The following TRHDE variants were observed in gnomAD, a reference collection of about 807,000 sequenced individuals.
TRHDE encodes the protein thyrotropin releasing hormone degrading enzyme.
In TRHDE, 72 loss-of-function variants were observed where a neutral mutation model predicts 125.7. That is an observed-to-expected ratio of 0.57 (90% CI 0.47 to 0.70). TRHDE has a LOEUF of 0.70. Among genes scored for constraint, TRHDE ranks in the 30% least tolerant of loss-of-function variants. The pLI is 0.00. For missense variants in TRHDE, 1,110 were observed against 1,327.1 expected, an observed-to-expected ratio of 0.84 and a Z score of 2.54; for synonymous variants, 509 against 509.1, an observed-to-expected ratio of 1.00 and a Z score of 0.00.
At chr12:72,516,303 A>G (rs2135955408) in intron 6 of TRHDE, among the ~76,000 whole-genome samples, 1 of 151,990 alleles carries the variant, frequency 6.6e-6, no homozygotes, top group East Asian at 1.9e-4. Flanking sequence ...ATTTGTTTGT[A>G]TCCTCTTTTA....
intron 2 of TRHDE, among the ~76,000 whole-genome samples, chr12:72,121,930 T>C (rs1875592260): frequency 6.6e-6 from 1 of 152,078 alleles, no homozygotes; most frequent in South Asian, 2.1e-4. Context: ...CTGGGTTGTG[T>C]AGAGCCATAG....
intron 2 of TRHDE, among the ~76,000 whole-genome samples, chr12:72,215,117 G>A (rs1004770774): frequency 3.9e-5 from 6 of 152,112 alleles, no homozygotes; most frequent in Admixed American, 1.3e-4. Context: ...AGCGAAGGGA[G>A]ATAAGGGTGG....
intron 2 of TRHDE, among the ~76,000 whole-genome samples, chr12:72,287,859 AT>A (rs1396296668): frequency 6.6e-6 from 1 of 151,696 alleles, no homozygotes; most frequent in African/African-American, 2.4e-5. Flanking sequence ...TGAATTAACA[AT>A]TTTTTCCTAA....
At chr12:72,472,284 C>T (rs1487472803) in intron 4 of TRHDE, among the ~76,000 whole-genome samples, 1 of 152,158 alleles carries the variant, frequency 6.6e-6, no homozygotes, top group Admixed American at 6.5e-5. Context: ...TTTAGGCTAG[C>T]TCCTGGCATA....
intron 2 of TRHDE, among the ~76,000 whole-genome samples, chr12:72,371,468 G>A (rs551620555): frequency 6.6e-6 from 1 of 151,536 alleles, no homozygotes; most frequent in Non-Finnish European, 1.5e-5. Context: ...GTATACATGT[G>A]CCATGCTGGT....
At chr12:72,609,744 T>A (rs1872569364) in intron 12 of TRHDE, among the ~76,000 whole-genome samples, 1 of 152,216 alleles carries the variant, frequency 6.6e-6, no homozygotes, top group African/African-American at 2.4e-5. Flanking sequence ...ATGTTTTTAC[T>A]CTTTTCTAGT....
At chr12:72,442,243 A>G (rs933661185) in intron 3 of TRHDE, among the ~76,000 whole-genome samples, 2 of 151,870 alleles carry the variant, frequency 1.3e-5, no homozygotes, top group African/African-American at 4.8e-5. Flanking sequence ...TTTTTAAGCC[A>G]TCTTGGTAGA....
In TRHDE at chr12:72,663,087, T is replaced by C. The variant is rs1291988321; in HGVS notation, c.3102T>C (p.Ala1034=). 6.2e-7 allele frequency: 1 copy of C among 1,612,990 alleles called. No individual in the cohort carries two copies. The highest frequency in any genetic ancestry group is 1.1e-5 in the South Asian group (1 of 90,884). ...KNFMKNYDGV[A]AASFSRAVET... Reference sequence around the variant, plus strand: ...TCATGAAAAACTATGATGGGGTAGCTGCTGCTTCTTTCTCACGAGCTGTGG... The same window carrying C: ...TCATGAAAAACTATGATGGGGTAGCCGCTGCTTCTTTCTCACGAGCTGTGG... Residue 1034 remains alanine (A), a synonymous_variant, in exon 19 of 19, where the codon GCT becomes GCC. Transcript: ENST00000261180.
intron 2 of TRHDE, among the ~76,000 whole-genome samples, chr12:72,193,171 C>T (rs1424517069): frequency 6.6e-6 from 1 of 151,816 alleles, no homozygotes; most frequent in Non-Finnish European, 1.5e-5. Context: ...AAAAGTTTGT[C>T]TTTATAAAGA....
intron 3 of TRHDE, among the ~76,000 whole-genome samples, chr12:72,397,037 T>C (rs1872822030): frequency 6.6e-6 from 1 of 152,246 alleles, no homozygotes; most frequent in South Asian, 2.1e-4. Flanking sequence ...TAATTTCTTA[T>C]TTGAAATTTC....
chr12:72,195,157 C>T (rs1877415797), intron 2 of TRHDE, among the ~76,000 whole-genome samples: 1 of 152,078 alleles, frequency 6.6e-6, no homozygotes, highest in South Asian at 2.1e-4. Context: ...ATGAGAATAG[C>T]ATGAAGGTAA....
At chr12:72,321,493 T>C (rs1869093731) in intron 2 of TRHDE, among the ~76,000 whole-genome samples, 1 of 152,190 alleles carries the variant, frequency 6.6e-6, no homozygotes, top group African/African-American at 2.4e-5. Flanking sequence ...TTGTTCACCA[T>C]TTCTGCTCTG....
chr12:72,439,972 A>T (rs1174304885), intron 3 of TRHDE, among the ~76,000 whole-genome samples: 1 of 151,852 alleles, frequency 6.6e-6, no homozygotes, highest in African/African-American at 2.4e-5. Flanking sequence ...TCAAGAAAGG[A>T]TATTGGATTT....
chr12:72,591,651 AT>A (rs1411988219), intron 12 of TRHDE, among the ~76,000 whole-genome samples: 1 of 84,740 alleles, frequency 1.2e-5, no homozygotes, highest in African/African-American at 6.2e-5. Context: ...TTTTTTTGCT[AT>A]TATTTCCTGA....
intron 2 of TRHDE, among the ~76,000 whole-genome samples, chr12:72,374,059 G>A (rs1365916008): frequency 1.3e-5 from 2 of 152,140 alleles, no homozygotes; most frequent in South Asian, 4.1e-4. Flanking sequence ...AGTCATTCAG[G>A]CAAGAAATGG....
chr12:72,582,101 CAAAAAAAA>C, intron 12 of TRHDE: 15 of 57,160 alleles, frequency 2.6e-4, no homozygotes, highest in Non-Finnish European at 3.7e-4. Flanking sequence ...GACTCCGTCT[CAAAAAAAA>C]AAAAAAAAAA....
rs111299295 is a variant in TRHDE at position 72,640,252 on chromosome 12, G to A, written c.2676-12070G>A. ...TCGGAAAAGCACAGTATTCGGGTGG[G>A]AGTGACCCGATCTTCCAGGTGCCGT... On this transcript the variant is annotated intron_variant, in intron 15 of 18. Coordinates refer to ENST00000261180, the MANE Select transcript of TRHDE (RefSeq NM_013381.3). Among the ~76,000 whole-genome samples the A allele has an allele frequency of 2.3e-3, 346 of 152,326 alleles. 3 individuals are homozygous for A. Among genetic ancestry groups the A allele is most frequent in the African/African-American group, 7.9e-3 (330 of 41,588 alleles).
intron 12 of TRHDE, among the ~76,000 whole-genome samples, chr12:72,606,908 A>T (rs941551398): frequency 1.3e-5 from 2 of 152,082 alleles, no homozygotes; most frequent in Non-Finnish European, 2.9e-5. Flanking sequence ...CTCTAATAAT[A>T]ATTATTATTA....
At chr12:72,603,961 A>C (rs1260054168) in intron 12 of TRHDE, among the ~76,000 whole-genome samples, 1 of 152,170 alleles carries the variant, frequency 6.6e-6, no homozygotes, top group African/African-American at 2.4e-5. Flanking sequence ...AGTGGCTAGA[A>C]TACAAAGTAT....
Sources: gnomAD v4.1 joint callset for allele counts (sites outside exome capture counted in the v4.1 genomes callset) on GRCh38, gnomAD v4.1.1 for gene constraint, MANE v1.5 for transcripts, NCBI Gene and HGNC (gene_info 2026-07-23, HGNC 2026-07-21) for gene names.